Variants in CAST observed in about 807,000 individuals in gnomAD.
The protein encoded by CAST is calpastatin.
Under a neutral mutation model 119.6 loss-of-function variants are expected in CAST, and 76 were observed. The ratio of observed to expected loss-of-function variants is 0.64; its 90% CI spans 0.53 to 0.77. CAST has a LOEUF of 0.77. CAST is among the 30% of genes least tolerant of loss of function. The probability of loss-of-function intolerance (pLI) is 0.00; values close to 1 mark genes in which losing one functional copy is unlikely to be tolerated. For synonymous variants in CAST, 319 were observed against 331.6 expected (o/e 0.96, Z 0.41); for missense variants, 953 against 946.5 (o/e 1.01, Z -0.09).
chr5:96,619,427 T>C (rs188598758), intron 1 of CAST, among the ~76,000 whole-genome samples: 14 of 151,262 alleles, frequency 9.3e-5, no homozygotes, highest in Admixed American at 8.5e-4. Flanking sequence ...ACCAATCAGC[T>C]GTCTGTAAAA....
the CAST span, among the ~76,000 whole-genome samples, chr5:96,155,299 C>T: frequency 2.6e-5 from 4 of 152,162 alleles, no homozygotes; most frequent in African/African-American, 7.2e-5. Flanking sequence ...GAGAGCACTC[C>T]TGTTTCCCAG....
chr5:95,991,619 C>T, the CAST span, among the ~76,000 whole-genome samples: 5 of 150,464 alleles, frequency 3.3e-5, no homozygotes, highest in South Asian at 8.6e-4. Flanking sequence ...GAGTCTCCTA[C>T]CTCAGCCTCC....
chr5:96,046,913 C>T, the CAST span, among the ~76,000 whole-genome samples: 3 of 152,160 alleles, frequency 2.0e-5, no homozygotes, highest in South Asian at 2.1e-4. Flanking sequence ...TTCATTATCA[C>T]GAGAATAGCA....
At chr5:96,162,034 T>C in the CAST span, among the ~76,000 whole-genome samples, 1 of 152,340 alleles carries the variant, frequency 6.6e-6, no homozygotes, top group Non-Finnish European at 1.5e-5. Context: ...GGATTTTCTG[T>C]ATACAAGATC....
the CAST span, among the ~76,000 whole-genome samples, chr5:96,469,467 T>A: frequency 1.3e-5 from 2 of 152,022 alleles, no homozygotes; most frequent in Non-Finnish European, 2.9e-5. Context: ...TTTTTCCTAT[T>A]GGCTAGGAAT....
At chr5:96,289,946 A>AG in the CAST span, among the ~76,000 whole-genome samples, 2 of 151,798 alleles carry the variant, frequency 1.3e-5, no homozygotes, top group Admixed American at 1.3e-4. Context: ...TTTTTTAAAA[A>AG]AAACAGAATT....
chr5:96,700,851 G>A (rs915344726), intron 3 of CAST, among the ~76,000 whole-genome samples: 2 of 152,032 alleles, frequency 1.3e-5, no homozygotes, highest in Admixed American at 1.3e-4. Context: ...GCACAGCAGT[G>A]GAACTACATT....
At chr5:96,152,500 T>G in the CAST span, among the ~76,000 whole-genome samples, 8 of 152,176 alleles carry the variant, frequency 5.3e-5, no homozygotes, top group Middle Eastern at 3.2e-3. Flanking sequence ...GAAGACTGAC[T>G]GAGAGCCCCT....
chr5:96,506,854 C>T, the CAST span, among the ~76,000 whole-genome samples: 1 of 152,162 alleles, frequency 6.6e-6, no homozygotes, highest in Non-Finnish European at 1.5e-5. Flanking sequence ...AATGCATGGG[C>T]CCATACACTA....
At chr5:96,743,967 G>A (rs1763218162) in intron 16 of CAST, among the ~76,000 whole-genome samples, 1 of 152,150 alleles carries the variant, frequency 6.6e-6, no homozygotes, top group African/African-American at 2.4e-5. Context: ...GACACTTAAG[G>A]AGAGACAATT....
the CAST span, among the ~76,000 whole-genome samples, chr5:96,078,502 T>A: frequency 6.6e-6 from 1 of 152,088 alleles, no homozygotes; most frequent in Non-Finnish European, 1.5e-5. Flanking sequence ...CAAGCAATTC[T>A]CCTGACTCAG....
the CAST span, among the ~76,000 whole-genome samples, chr5:96,413,575 G>A: frequency 1.9e-4 from 29 of 151,988 alleles, no homozygotes; most frequent in African/African-American, 6.5e-4. Context: ...CGAGGTGGGT[G>A]GATCACTTGA....
chr5:96,614,398 A>G (rs72772036), intron 1 of CAST, among the ~76,000 whole-genome samples: 5,331 of 152,308 alleles, frequency 0.035, 133 homozygotes, highest in African/African-American at 0.067. Flanking sequence ...AAAAGCATCC[A>G]GCCGGGACAT....
At chr5:95,981,561 TG>T in the CAST span, among the ~76,000 whole-genome samples, 2 of 152,244 alleles carry the variant, frequency 1.3e-5, no homozygotes, top group African/African-American at 4.8e-5. Context: ...AAAGCTGATC[TG>T]GAAACCACCT....
At chr5:96,608,449 ATAC>A (rs1309686797) in intron 1 of CAST, among the ~76,000 whole-genome samples, 10 of 152,280 alleles carry the variant, frequency 6.6e-5, no homozygotes, top group African/African-American at 1.9e-4. Context: ...TACTCAATAA[ATAC>A]TACCTGTTTG....
chr5:96,624,261 G>A (rs1201498952), intron 1 of CAST, among the ~76,000 whole-genome samples: 1 of 152,120 alleles, frequency 6.6e-6, no homozygotes, highest in East Asian at 1.9e-4. Flanking sequence ...CCTCACTATG[G>A]GAAAGAAGCA....
At chr5:96,648,791 A>G (rs1023116081) in intron 1 of CAST, among the ~76,000 whole-genome samples, 63 of 152,100 alleles carry the variant, frequency 4.1e-4, no homozygotes, top group African/African-American at 1.5e-3. Context: ...GTAGTGGCAG[A>G]GCCAGGAATT....
rs1465629421 is a variant in CAST, at chr5:96,774,588, TAGGTTCCTC to T, written c.*1977_*1985del. The T allele has an allele frequency of 1.0e-6, 1 of 985,580 alleles. No individual in the cohort carries two copies. The highest frequency in any genetic ancestry group is 1.1e-4 in the East Asian group (1 of 8,960). The allele number at this position is 985,580 out of a possible 1,614,324, so 61.1% of individuals were successfully genotyped here. Reference sequence around the variant, plus strand: ...GGGCTTTTCCAAAAGCAAACAAAGATAGGTTCCTCAGGTGACCAAAACTGAAAATCAATA... The same window carrying T: ...GGGCTTTTCCAAAAGCAAACAAAGATAGGTGACCAAAACTGAAAATCAATA... On this transcript the variant is annotated 3_prime_UTR_variant, in exon 32 of 32. Transcript: ENST00000675179.
the CAST span, among the ~76,000 whole-genome samples, chr5:96,496,864 T>C: frequency 6.6e-6 from 1 of 151,402 alleles, no homozygotes; most frequent in Non-Finnish European, 1.5e-5. Flanking sequence ...TAGTGCTGTA[T>C]TTTTTTTTAT....
Sources: gnomAD v4.1 joint callset for allele counts (sites outside exome capture counted in the v4.1 genomes callset) on GRCh38, gnomAD v4.1.1 for gene constraint, MANE v1.5 for transcripts, NCBI Gene and HGNC (gene_info 2026-07-23, HGNC 2026-07-21) for gene names.